GPR55: variants seen among roughly 807,000 people sequenced by gnomAD.
The protein encoded by GPR55 is G protein-coupled receptor 55.
In GPR55, 6 loss-of-function variants were observed where a neutral mutation model predicts 7.9. That is an observed-to-expected ratio of 0.76 (90% confidence interval 0.41 to 1.49). The LOEUF is 1.49. Ranked by LOEUF, GPR55 falls within the 40% of genes most tolerant of loss-of-function variation. The pLI is 0.01. For missense variants in GPR55, 376 were observed against 406.0 expected, an observed-to-expected ratio of 0.93 and a Z score of 0.63; for synonymous variants, 183 against 166.8, an observed-to-expected ratio of 1.10 and a Z score of -0.75.
At chr2:230,915,742 C>G (rs1024712110) in intron 1 of GPR55, among the ~76,000 whole-genome samples, 1 of 152,128 alleles carries the variant, frequency 6.6e-6, no homozygotes, top group Non-Finnish European at 1.5e-5. Flanking sequence ...ATAAACAAAC[C>G]AAGTTCCTTG....
intron 1 of GPR55, among the ~76,000 whole-genome samples, chr2:230,952,512 C>T (rs886228621): frequency 1.3e-5 from 2 of 152,192 alleles, no homozygotes; most frequent in Admixed American, 1.3e-4. Context: ...TGCACATTCC[C>T]AGGGCAGGGC....
intron 1 of GPR55, among the ~76,000 whole-genome samples, chr2:230,919,095 G>A (rs1049898479): frequency 1.3e-5 from 2 of 152,076 alleles, no homozygotes; most frequent in African/African-American, 2.4e-5. Context: ...TTAACAATTT[G>A]GGAGTAAAAA....
chr2:230,943,675 T>A (rs1691269557), intron 1 of GPR55, among the ~76,000 whole-genome samples: 1 of 152,168 alleles, frequency 6.6e-6, no homozygotes, highest in Non-Finnish European at 1.5e-5. Flanking sequence ...GGTTGGATCA[T>A]GGGGGTGGAT....
Position 230,957,262 on chromosome 2 carries a change from T to C in GPR55, c.-135+3513A>G, listed in dbSNP as rs569724745. Among the ~76,000 whole-genome samples, 4 of 152,370 alleles carry C rather than the reference T, an allele frequency of 2.6e-5. No individual in the cohort carries two copies. In the South Asian group the frequency reaches 6.2e-4, roughly 24 times the overall value. Reference sequence around the variant, plus strand: ...AAGGAAGCACTTGAGGTCTTCTCTTTGGCATATCCGAATTGCTGGCATCAC... The same window carrying C: ...AAGGAAGCACTTGAGGTCTTCTCTTCGGCATATCCGAATTGCTGGCATCAC... On this transcript the variant is annotated intron_variant, in intron 1 of 1. Coordinates refer to the GPR55 transcript ENST00000392039.
Position 230,923,296 on chromosome 2 carries a change from A to G in GPR55, c.-135+1872T>C, listed in dbSNP as rs1034624169. ...GAAGGTGGCCCTTCCTGCAGCTGCCAGGCTGTTATCTGCACAGAGCATTGC... is the reference window on the plus strand; with the variant it reads ...GAAGGTGGCCCTTCCTGCAGCTGCCGGGCTGTTATCTGCACAGAGCATTGC... On this transcript the variant is annotated intron_variant, in intron 1 of 1. Coordinates refer to ENST00000650999, the MANE Select transcript of GPR55 (RefSeq NM_005683.4). The surrounding 1 kb of genome is among the most constrained non-coding windows in gnomAD (Gnocchi z 4.1). Among the ~76,000 whole-genome samples the G allele has an allele frequency of 6.6e-6, 1 of 152,226 alleles. No individual in the cohort carries two copies. Among genetic ancestry groups the G allele is most frequent in the Non-Finnish European group, 1.5e-5 (1 of 68,042 alleles).
intron 1 of GPR55, among the ~76,000 whole-genome samples, chr2:230,958,569 C>T (rs1374978975): frequency 2.6e-5 from 4 of 152,226 alleles, no homozygotes; most frequent in Non-Finnish European, 5.9e-5. Flanking sequence ...CACCACTCCC[C>T]TTCCCACACT....
Position 230,910,588 on chromosome 2 carries a change from G to A in GPR55, c.375C>T (p.Tyr125=), listed in dbSNP as rs1245750939. 6 of 1,614,016 alleles carry A rather than the reference G, an allele frequency of 3.7e-6. No individual in the cohort carries two copies. Among genetic ancestry groups the A allele is most frequent in the Admixed American group, 1.7e-5 (1 of 60,030 alleles). Residue 125 remains tyrosine (Y), a synonymous_variant, in exon 2 of 2, where the codon TAC becomes TAT. Transcript: ENST00000650999. The surrounding 1 kb of genome is among the most constrained non-coding windows in gnomAD (Gnocchi z 5.4). ...ACCGGAGGTGGCTCACCAGTAGCGG[G>A]TAACGGATGGCCAAGAACCGGTCCA... The part of the protein sequence containing the change: ...ISMDRFLAIR[Y]PLLVSHLRSP...
upstream of GPR55, among the ~76,000 whole-genome samples, chr2:230,928,737 A>C (rs1690984836): frequency 6.6e-6 from 1 of 152,236 alleles, no homozygotes; most frequent in East Asian, 1.9e-4. Flanking sequence ...CTCATGATCC[A>C]AGGAAAAGGG....
In GPR55 at chr2:230,913,426, AT is replaced by A. The variant is rs575436462; in HGVS notation, c.-134-2331del. 1.8e-3 allele frequency among the ~76,000 whole-genome samples: 268 copies of A among 152,390 alleles called. 5 individuals carry two copies. Among genetic ancestry groups the A allele is most frequent in the Admixed American group, 3.8e-3 (58 of 15,304 alleles). ...TAGATGTTTATAGGTTCATATATAT[AT>A]CATCCATTGAGCACTACGCACTAAA... On this transcript the variant is annotated intron_variant, in intron 1 of 1. Transcript: ENST00000650999.
chr2:230,939,931 G>A (rs1691197032), intron 1 of GPR55, among the ~76,000 whole-genome samples: 1 of 151,508 alleles, frequency 6.6e-6, no homozygotes, highest in Admixed American at 6.5e-5. Context: ...GGGAGACAGG[G>A]GTGTGTTGGC....
intron 1 of GPR55, among the ~76,000 whole-genome samples, chr2:230,941,405 TG>T (rs1691231274): frequency 6.6e-6 from 1 of 152,194 alleles, no homozygotes; most frequent in Non-Finnish European, 1.5e-5. Context: ...GGTGGTATCC[TG>T]GGGGGCCTGC....
intron 1 of GPR55, among the ~76,000 whole-genome samples, chr2:230,943,954 C>T (rs1691273792): frequency 6.6e-6 from 1 of 152,210 alleles, no homozygotes. Flanking sequence ...ATAAATTATC[C>T]AGCCTCAGGT....
At chr2:230,911,740 A>G (rs978696338) in intron 1 of GPR55, among the ~76,000 whole-genome samples, 1 of 152,172 alleles carries the variant, frequency 6.6e-6, no homozygotes, top group African/African-American at 2.4e-5. Context: ...ATATGGGAGA[A>G]ATGGCATTCC....
At chr2:230,918,055 A>G (rs1690755230) in intron 1 of GPR55, among the ~76,000 whole-genome samples, 1 of 152,242 alleles carries the variant, frequency 6.6e-6, no homozygotes. Context: ...TTGAGCATTT[A>G]GGGAAAAAAT....
At chr2:230,916,289 G>T (rs1690713652) in intron 1 of GPR55, among the ~76,000 whole-genome samples, 1 of 151,458 alleles carries the variant, frequency 6.6e-6, no homozygotes, top group Non-Finnish European at 1.5e-5. Context: ...TTGGCAGGCT[G>T]TGTGGGAGGA....
chr2:230,960,656 A>T (rs1691553697), intron 1 of GPR55: 1 of 152,242 alleles, frequency 6.6e-6, no homozygotes, highest in Admixed American at 6.5e-5. Flanking sequence ...TACAAGGAAA[A>T]AAGCGAACAA....
chr2:230,949,044 T>C (rs13407768), intron 1 of GPR55, among the ~76,000 whole-genome samples: 66,151 of 151,944 alleles, frequency 0.44, 15,718 homozygotes, highest in East Asian at 0.65. Flanking sequence ...ACTCCAGCCT[T>C]GGCAACAGAC....
At chr2:230,942,916 A>G (rs776211544) in intron 1 of GPR55, among the ~76,000 whole-genome samples, 3 of 152,138 alleles carry the variant, frequency 2.0e-5, no homozygotes, top group Non-Finnish European at 4.4e-5. Context: ...ATCATTGCCA[A>G]TGAACAGAGT....
chr2:230,935,785 T>C (rs1691123355), intron 1 of GPR55, among the ~76,000 whole-genome samples: 1 of 152,216 alleles, frequency 6.6e-6, no homozygotes, highest in South Asian at 2.1e-4. Flanking sequence ...TTTTGGATTT[T>C]GGATTTTTTT....
Sources: gnomAD v4.1 joint callset for allele counts (sites outside exome capture counted in the v4.1 genomes callset) on GRCh38, gnomAD v4.1.1 for gene constraint, Gnocchi (gnomAD v3.1) non-coding constraint, MANE v1.5 for transcripts, NCBI Gene and HGNC (gene_info 2026-07-23, HGNC 2026-07-21) for gene names.